CRPPA: variants seen among roughly 807,000 people sequenced by gnomAD.
CRPPA encodes the protein D-ribitol-5-phosphate cytidylyltransferase.
In CRPPA, 43 loss-of-function variants were observed where a neutral mutation model predicts 52.0. The ratio of observed to expected loss-of-function variants is 0.83; its 90% CI spans 0.65 to 1.07. The LOEUF is 1.07. Among genes scored for constraint, CRPPA ranks in the 50% least tolerant of loss-of-function variants. The pLI is 0.00. For missense variants in CRPPA, 629 were observed against 551.7 expected (o/e 1.14, Z -1.40); for synonymous variants, 250 against 203.5 (o/e 1.23, Z -1.94).
At chr7:16,311,762 G>A (rs961528866) in intron 3 of CRPPA, among the ~76,000 whole-genome samples, 1 of 152,064 alleles carries the variant, frequency 6.6e-6, no homozygotes, top group African/African-American at 2.4e-5. Context: ...TTACATTTAG[G>A]TCTGATCCAT....
Position 16,088,854 on chromosome 7 carries a change from CAT to C in CRPPA, c.*2839_*2840del, listed in dbSNP as rs1781754591. On this transcript the variant is annotated 3_prime_UTR_variant, in exon 10 of 10. Coordinates refer to ENST00000407010, the MANE Select transcript of CRPPA (RefSeq NM_001101426.4). ...CCAGGACTTTCACCTAGTCCCTGGA[CAT>C]AAGTGTCCCACCCTTCTTGTCCATT... is the stretch of plus-strand genomic sequence containing the variant. 5.8e-6 allele frequency: 1 copy of C among 171,722 alleles called. No individual in the cohort carries two copies. Among genetic ancestry groups the C allele is most frequent in the African/African-American group, 2.4e-5 (1 of 41,846 alleles). 10.6% of individuals were successfully genotyped at this position (171,722 alleles called of 1,614,324 possible). A position where few individuals can be genotyped will look rare whatever the true frequency, so the allele number is the denominator to read the frequency against.
chr7:16,388,584 A>G (rs1787355888), intron 2 of CRPPA, among the ~76,000 whole-genome samples: 1 of 152,206 alleles, frequency 6.6e-6, no homozygotes, highest in Non-Finnish European at 1.5e-5. Flanking sequence ...CTTATAAAAT[A>G]ACAGTTGAGG....
chr7:16,244,104 G>T (rs534144107), intron 8 of CRPPA, among the ~76,000 whole-genome samples: 2 of 152,258 alleles, frequency 1.3e-5, no homozygotes, highest in East Asian at 3.9e-4. Context: ...ATTTTAATAA[G>T]TATCTTAGTT....
At chr7:16,239,796 A>C (rs1176230221) in intron 8 of CRPPA, among the ~76,000 whole-genome samples, 2 of 152,196 alleles carry the variant, frequency 1.3e-5, no homozygotes, top group African/African-American at 4.8e-5. Context: ...AATCTCAGTC[A>C]TCTGACCAAC....
At chr7:16,236,950 G>A (rs34750529) in intron 8 of CRPPA, among the ~76,000 whole-genome samples, 51,142 of 149,432 alleles carry the variant, frequency 0.34, 9,552 homozygotes, top group Admixed American at 0.45. Context: ...TCGTGCGCGC[G>A]CACACACACA....
In CRPPA at chr7:16,181,537, C is replaced by T. The variant is rs565864747; in HGVS notation, c.1251+34529G>A. Among the ~76,000 whole-genome samples, 65 of 151,804 alleles carry T rather than the reference C, an allele frequency of 4.3e-4. No individual in the cohort carries two copies. In the Middle Eastern group the frequency reaches 0.024, roughly 56 times the overall value. ...TATAAACAAAACACATATGTAGTAT[C>T]GAGTATACCAAAACAAACAAAGACG... is the stretch of plus-strand genomic sequence containing the variant. On this transcript the variant is annotated intron_variant, in intron 9 of 9. Transcript: ENST00000407010.
At chr7:16,395,556 C>A (rs771952788) in intron 2 of CRPPA, among the ~76,000 whole-genome samples, 1 of 152,160 alleles carries the variant, frequency 6.6e-6, no homozygotes, top group African/African-American at 2.4e-5. Context: ...TTCTAATCTC[C>A]TTCTGACAAA....
chr7:16,417,037 A>C (rs1788211801), intron 1 of CRPPA, among the ~76,000 whole-genome samples: 1 of 152,214 alleles, frequency 6.6e-6, no homozygotes, highest in Non-Finnish European at 1.5e-5. Flanking sequence ...CCAAGTATCC[A>C]ACAAACAAAC....
intron 8 of CRPPA, among the ~76,000 whole-genome samples, chr7:16,255,317 C>A (rs1303511477): frequency 6.6e-6 from 1 of 152,142 alleles, no homozygotes; most frequent in Non-Finnish European, 1.5e-5. Context: ...GAAGAACATT[C>A]CATGCTCATG....
At chr7:16,412,046 C>G (rs895463308) in intron 1 of CRPPA, among the ~76,000 whole-genome samples, 11 of 152,116 alleles carry the variant, frequency 7.2e-5, no homozygotes, top group Admixed American at 5.9e-4. Flanking sequence ...TGAATTAACT[C>G]CCAATTTTAC....
At chr7:16,206,514 A>G (rs748014843) in intron 9 of CRPPA, among the ~76,000 whole-genome samples, 8 of 152,074 alleles carry the variant, frequency 5.3e-5, no homozygotes, top group Non-Finnish European at 1.2e-4. Context: ...CTGTGGCCTA[A>G]TTATTTTTAT....
chr7:16,357,853 T>C lies in CRPPA; in HGVS notation c.684+18239A>G, dbSNP rs758768751. 1.4e-4 allele frequency among the ~76,000 whole-genome samples: 22 copies of C among 152,130 alleles called. 1 individual carries two copies. Among genetic ancestry groups the C allele is most frequent in the Admixed American group, 6.5e-4 (10 of 15,278 alleles). ...CATATCTGAGCTGCAGCCCACCGGA[T>C]GGCAGGGAAGTTTCATGGCTTGAGG... On this transcript the variant is annotated intron_variant, in intron 3 of 9. Coordinates refer to ENST00000407010, the MANE Select transcript of CRPPA (RefSeq NM_001101426.4).
intron 9 of CRPPA, among the ~76,000 whole-genome samples, chr7:16,106,759 A>G (rs1247307736): frequency 2.6e-5 from 4 of 152,294 alleles, no homozygotes; most frequent in Middle Eastern, 3.4e-3. Flanking sequence ...TGACACCTCT[A>G]AAAGAAAGTA....
intron 9 of CRPPA, among the ~76,000 whole-genome samples, chr7:16,148,589 G>A (rs1469660495): frequency 6.6e-6 from 1 of 152,004 alleles, no homozygotes; most frequent in Admixed American, 6.6e-5. Flanking sequence ...AAAACAATGA[G>A]CTCATATAAC....
At chr7:16,202,551 T>C (rs1205063353) in intron 9 of CRPPA, among the ~76,000 whole-genome samples, 1 of 152,188 alleles carries the variant, frequency 6.6e-6, no homozygotes, top group Non-Finnish European at 1.5e-5. Context: ...TTGTTTGGCC[T>C]CCTATTCTAG....
At chr7:16,416,271 GGACTCC>G (rs2128320250) in intron 1 of CRPPA, among the ~76,000 whole-genome samples, 1 of 152,180 alleles carries the variant, frequency 6.6e-6, no homozygotes, top group South Asian at 2.1e-4. Context: ...TTTGGGAAAA[GGACTCC>G]CTATTCCATA....
intron 9 of CRPPA, among the ~76,000 whole-genome samples, chr7:16,109,366 C>T (rs189593285): frequency 5.8e-4 from 88 of 151,570 alleles, no homozygotes; most frequent in East Asian, 1.2e-3. Flanking sequence ...CATGAAGAAA[C>T]GGAAAATAAG....
At chr7:16,112,329 A>T (rs1330969520) in intron 9 of CRPPA, among the ~76,000 whole-genome samples, 1 of 152,184 alleles carries the variant, frequency 6.6e-6, no homozygotes, top group Non-Finnish European at 1.5e-5. Flanking sequence ...AAGGAAAAAA[A>T]AAAAGTCAAT....
chr7:16,228,478 C>G (rs1244697212), intron 8 of CRPPA, among the ~76,000 whole-genome samples: 1 of 151,748 alleles, frequency 6.6e-6, no homozygotes, highest in Non-Finnish European at 1.5e-5. Flanking sequence ...TACTGTATCC[C>G]ATAGATTTTG....
Sources: gnomAD v4.1 joint callset for allele counts (sites outside exome capture counted in the v4.1 genomes callset) on GRCh38, gnomAD v4.1.1 for gene constraint, MANE v1.5 for transcripts, NCBI Gene and HGNC (gene_info 2026-07-23, HGNC 2026-07-21) for gene names.